ZBTB7C: variants seen among roughly 807,000 people sequenced by gnomAD.
ZBTB7C encodes zinc finger and BTB domain-containing protein 7C.
A neutral mutation model predicts 25.7 loss-of-function variants in ZBTB7C; 8 were observed. That is an observed-to-expected ratio of 0.31 (90% CI 0.18 to 0.56). The LOEUF (loss-of-function observed/expected upper bound fraction) is 0.56. Ranked by LOEUF, ZBTB7C falls within the 20% of genes least tolerant of loss-of-function variation. The pLI is 0.91. For missense variants in ZBTB7C, 824 were observed against 855.2 expected, an observed-to-expected ratio of 0.96 and a Z score of 0.46; for synonymous variants, 394 against 369.0, an observed-to-expected ratio of 1.07 and a Z score of -0.78.
At chr18:48,212,721 T>C (rs1476458167) in intron 2 of ZBTB7C, among the ~76,000 whole-genome samples, 1 of 152,126 alleles carries the variant, frequency 6.6e-6, no homozygotes, top group East Asian at 1.9e-4. Flanking sequence ...AGTTTGTGAT[T>C]CATAGCTGAG....
Position 48,041,083 on chromosome 18 carries a change from T to C in ZBTB7C, c.25A>G (p.Ile9Val). 4 of 1,605,912 alleles carry C rather than the reference T, an allele frequency of 2.5e-6. No individual in the cohort carries two copies. The highest frequency in any genetic ancestry group is 3.4e-6 in the Non-Finnish European group (4 of 1,174,210). ...CTGTGGTTGGGGAAGGGAATGCCAA[T>C]GAGCTCATCAATGTCATTGGCCATG... MANDIDEL[I>V]GIPFPNHSSE... The change falls in exon 4 of 5, where the codon ATT becomes GTT. Residue 9 changes from isoleucine to valine, a missense_variant. This residue lies in a region of ZBTB7C where 117 missense variants were observed against 167.7 expected (regional missense o/e 0.70). Coordinates refer to ENST00000590800, the MANE Select transcript of ZBTB7C (RefSeq NM_001318841.2).
chr18:48,354,840 T>G (rs1054956448), intron 1 of ZBTB7C, among the ~76,000 whole-genome samples: 1 of 152,178 alleles, frequency 6.6e-6, no homozygotes, highest in Non-Finnish European at 1.5e-5. Flanking sequence ...TAAACGGAGC[T>G]GTGCCATTGG....
At chr18:48,402,699 AC>A (rs2048187789) in intron 1 of ZBTB7C, among the ~76,000 whole-genome samples, 1 of 152,176 alleles carries the variant, frequency 6.6e-6, no homozygotes, top group Non-Finnish European at 1.5e-5. Flanking sequence ...GTTTTGGAAA[AC>A]AATGTTTTTC....
At chr18:48,221,175 T>A (rs1288190162) in intron 2 of ZBTB7C, among the ~76,000 whole-genome samples, 4 of 151,622 alleles carry the variant, frequency 2.6e-5, no homozygotes, top group African/African-American at 9.7e-5. Context: ...CTCTATACTA[T>A]CCTTGTCTCC....
chr18:48,398,161 G>A lies in ZBTB7C; in HGVS notation c.-304+11065C>T, dbSNP rs904508021. Reference sequence around the variant, plus strand: ...GCAGATCTCCCTCAACTCAGAAGGGGAACATCAAGCTGTGTACACACAGGG... The same window carrying A: ...GCAGATCTCCCTCAACTCAGAAGGGAAACATCAAGCTGTGTACACACAGGG... On this transcript the variant is annotated intron_variant, in intron 1 of 4. Transcript: ENST00000590800. Among the ~76,000 whole-genome samples, 4 of 152,330 alleles carry A rather than the reference G, an allele frequency of 2.6e-5. No homozygotes were observed. The South Asian group carries it at 8.3e-4, about 32-fold the overall frequency.
chr18:48,160,972 T>TG (rs1279057427), intron 3 of ZBTB7C, among the ~76,000 whole-genome samples: 10 of 127,462 alleles, frequency 7.8e-5, no homozygotes, highest in African/African-American at 3.2e-4. Context: ...GGGGGAGCAG[T>TG]GGGGGGTCGT....
intron 2 of ZBTB7C, among the ~76,000 whole-genome samples, chr18:48,282,248 G>A (rs1259909569): frequency 6.9e-6 from 1 of 143,946 alleles, no homozygotes; most frequent in Non-Finnish European, 1.5e-5. Flanking sequence ...ACTCATAGGT[G>A]GGAATTGAAC....
At chr18:48,165,389 A>G in intron 3 of ZBTB7C, 1 of 357,690 alleles carries the variant, frequency 2.8e-6, no homozygotes, top group South Asian at 2.1e-5. Context: ...AGCTGCCCAT[A>G]CTCTATGGCC....
intron 2 of ZBTB7C, among the ~76,000 whole-genome samples, chr18:48,301,300 A>G (rs977229376): frequency 2.2e-4 from 33 of 152,132 alleles, no homozygotes; most frequent in African/African-American, 7.5e-4. Flanking sequence ...TCAACATGGC[A>G]AAACCCTGTC....
chr18:48,323,428 T>C lies in ZBTB7C; in HGVS notation c.-79+14746A>G, dbSNP rs1400777012. On this transcript the variant is annotated intron_variant, in intron 2 of 4. Coordinates refer to ENST00000590800, the MANE Select transcript of ZBTB7C (RefSeq NM_001318841.2). ...TGGAGAAATTGAGCATGGGGGAAGT[T>C]AGGCAACTTGCTCAGGAGCACACAA... Among the ~76,000 whole-genome samples the C allele has an allele frequency of 2.6e-5, 4 of 152,176 alleles. No homozygotes were observed. In the East Asian group the frequency reaches 7.7e-4, roughly 29 times the overall value.
At chr18:48,370,719 T>C (rs1227019816) in intron 1 of ZBTB7C, among the ~76,000 whole-genome samples, 5 of 152,082 alleles carry the variant, frequency 3.3e-5, no homozygotes, top group South Asian at 2.1e-4. Flanking sequence ...CACACGCACA[T>C]ACAAACTCAC....
chr18:48,180,112 T>TTCCCTTCCTTCCTTCCTTCCTTCCTTCC (rs144550931), intron 3 of ZBTB7C, among the ~76,000 whole-genome samples: 3 of 52,088 alleles, frequency 5.8e-5, no homozygotes, highest in Non-Finnish European at 1.0e-4. Context: ...CCTTCCTTCC[T>TTCCCTTCCTTCCTTCCTTCCTTCCTTCC]TTCCTTCCTT....
intron 2 of ZBTB7C, among the ~76,000 whole-genome samples, chr18:48,245,079 AGTGTGTGTGTGT>A (rs375402994): frequency 1.5e-5 from 1 of 66,292 alleles, no homozygotes; most frequent in Non-Finnish European, 3.2e-5. Context: ...AAAAAAAAGT[AGTGTGTGTGTGT>A]GTATATATAT....
upstream of ZBTB7C, among the ~76,000 whole-genome samples, chr18:48,411,194 G>A (rs975283577): frequency 6.6e-5 from 10 of 152,190 alleles, no homozygotes; most frequent in Admixed American, 4.6e-4. Flanking sequence ...CTGAAACGTA[G>A]GGTTTGGGTA....
chr18:48,049,338 G>C (rs923481998), intron 3 of ZBTB7C, among the ~76,000 whole-genome samples: 1 of 152,116 alleles, frequency 6.6e-6, no homozygotes, highest in Non-Finnish European at 1.5e-5. Flanking sequence ...CTCGCCGAGT[G>C]GTATGTGAGT....
At chr18:48,220,527 C>T (rs942573028) in intron 2 of ZBTB7C, among the ~76,000 whole-genome samples, 3 of 152,138 alleles carry the variant, frequency 2.0e-5, no homozygotes, top group Admixed American at 2.0e-4. Flanking sequence ...GCCAAGGCCA[C>T]AGACCATGGA....
intron 3 of ZBTB7C, among the ~76,000 whole-genome samples, chr18:48,152,354 G>C (rs767363881): frequency 3.9e-5 from 6 of 152,206 alleles, no homozygotes; most frequent in African/African-American, 7.2e-5. Context: ...GTGAAAGGCA[G>C]GTTGTTGACT....
intron 3 of ZBTB7C, among the ~76,000 whole-genome samples, chr18:48,179,656 AAAG>A (rs1041688019): frequency 6.7e-6 from 1 of 150,132 alleles, no homozygotes; most frequent in Admixed American, 6.7e-5. Flanking sequence ...CCTCGACTGC[AAAG>A]AAGATATTTC....
intron 3 of ZBTB7C, among the ~76,000 whole-genome samples, chr18:48,167,564 G>GTGTGTGTGTGTGTGTGTT (rs1555705400): frequency 3.8e-5 from 1 of 26,398 alleles, no homozygotes; most frequent in African/African-American, 8.9e-5. Context: ...CATTGCTAGG[G>GTGTGTGTGTGTGTGTGTT]TGTGTGTGTG....
Sources: gnomAD v4.1 joint callset for allele counts (sites outside exome capture counted in the v4.1 genomes callset) on GRCh38, gnomAD v4.1.1 for gene constraint, gnomAD v4.1.1 regional missense constraint, MANE v1.5 for transcripts, NCBI Gene and HGNC (gene_info 2026-07-23, HGNC 2026-07-21) for gene names.